The following EXOC2 variants were observed in gnomAD, a reference collection of about 807,000 sequenced individuals.
The protein encoded by EXOC2 is SEC5-like 1.
A neutral mutation model predicts 131.8 loss-of-function variants in EXOC2; 70 were observed. That is an observed-to-expected ratio of 0.53 (90% CI 0.44 to 0.65). The LOEUF is 0.65. Ranked by LOEUF, EXOC2 falls within the 30% of genes least tolerant of loss-of-function variation. EXOC2 has a pLI of 0.00. For synonymous variants in EXOC2, 411 were observed against 398.4 expected (o/e 1.03, Z -0.38); for missense variants, 923 against 1,108.6 (o/e 0.83, Z 2.38).
chr6:669,937 G>T (rs1387264795), intron 1 of EXOC2: 1 of 152,226 alleles, frequency 6.6e-6, no homozygotes, highest in Non-Finnish European at 1.5e-5. Context: ...ACTGGGGTTT[G>T]GGAGCAGGAA....
At chr6:583,467 T>G (rs1042016509) in intron 11 of EXOC2, among the ~76,000 whole-genome samples, 1 of 152,062 alleles carries the variant, frequency 6.6e-6, no homozygotes, top group African/African-American at 2.4e-5. Context: ...GTAAGGTGAA[T>G]AGAATCTATT....
intron 23 of EXOC2, among the ~76,000 whole-genome samples, chr6:502,199 G>A (rs973763429): frequency 2.0e-5 from 3 of 152,108 alleles, no homozygotes; most frequent in African/African-American, 4.8e-5. Flanking sequence ...TGCTATTTTC[G>A]ATGCTCTAAG....
At chr6:644,148 T>C (rs1375135980) in intron 1 of EXOC2, among the ~76,000 whole-genome samples, 1 of 152,106 alleles carries the variant, frequency 6.6e-6, no homozygotes, top group Non-Finnish European at 1.5e-5. Flanking sequence ...AAAAGAGGAA[T>C]ACATCATGAT....
At chr6:569,458 G>T (rs1458324604) in intron 13 of EXOC2, among the ~76,000 whole-genome samples, 1 of 152,192 alleles carries the variant, frequency 6.6e-6, no homozygotes, top group African/African-American at 2.4e-5. Flanking sequence ...AATACAACAA[G>T]ATAGTTTTAT....
At chr6:607,015 G>C (rs775874884) in intron 7 of EXOC2, among the ~76,000 whole-genome samples, 1 of 152,202 alleles carries the variant, frequency 6.6e-6, no homozygotes, top group African/African-American at 2.4e-5. Flanking sequence ...GACGTACAGT[G>C]ACTATCGCTG....
At chr6:636,397 A>C (rs1196329241) in intron 2 of EXOC2, among the ~76,000 whole-genome samples, 1 of 152,230 alleles carries the variant, frequency 6.6e-6, no homozygotes, top group Non-Finnish European at 1.5e-5. Flanking sequence ...TCCCGACTGT[A>C]ACCTTTGTCC....
chr6:623,539 T>C (rs554192732), intron 4 of EXOC2, among the ~76,000 whole-genome samples: 54 of 152,276 alleles, frequency 3.5e-4, no homozygotes, highest in African/African-American at 1.3e-3. Flanking sequence ...TGTCAAATAA[T>C]CTTCCCCAAA....
intron 1 of EXOC2, among the ~76,000 whole-genome samples, chr6:650,342 T>A (rs1762773969): frequency 6.6e-6 from 1 of 152,258 alleles, no homozygotes; most frequent in Non-Finnish European, 1.5e-5. Context: ...CTAAGGCATC[T>A]CTGAGCTCTT....
chr6:622,966 G>T (rs1761368811), intron 4 of EXOC2, among the ~76,000 whole-genome samples: 1 of 152,218 alleles, frequency 6.6e-6, no homozygotes, highest in African/African-American at 2.4e-5. Flanking sequence ...AGGGCTCCAG[G>T]AGAGGGACTG....
chr6:656,771 C>T, intron 1 of EXOC2: 1 of 1,594,008 alleles, frequency 6.3e-7, no homozygotes, highest in Non-Finnish European at 8.6e-7. Context: ...CCCCCTGCCG[C>T]ACCTCGCACC....
At chr6:552,304 C>T (rs1757189078) in intron 21 of EXOC2, among the ~76,000 whole-genome samples, 1 of 152,224 alleles carries the variant, frequency 6.6e-6, no homozygotes, top group Non-Finnish European at 1.5e-5. Flanking sequence ...CTCTGTGTGT[C>T]GTTCCCTAAT....
intron 22 of EXOC2, among the ~76,000 whole-genome samples, chr6:537,354 G>T (rs1478694435): frequency 1.3e-5 from 2 of 151,128 alleles, no homozygotes; most frequent in African/African-American, 4.9e-5. Flanking sequence ...GTTGACGGCC[G>T]ACGGAGCGCA....
chr6:598,188 G>T, intron 9 of EXOC2, 65 bp from the exon 10 acceptor site: 1 of 1,364,586 alleles, frequency 7.3e-7, no homozygotes. Flanking sequence ...ATTTCAAAAA[G>T]CAGAATAGTA....
At chr6:688,317 G>A (rs969085463) in intron 1 of EXOC2, among the ~76,000 whole-genome samples, 4 of 149,636 alleles carry the variant, frequency 2.7e-5, no homozygotes, top group African/African-American at 9.7e-5. Flanking sequence ...GATTTATAGG[G>A]GCACAGATCT....
chr6:555,087 T>TAA, intron 20 of EXOC2, 140 bp downstream of exon 20: 2 of 433,668 alleles, frequency 4.6e-6, no homozygotes, highest in African/African-American at 2.0e-5. Flanking sequence ...AGGTCGAATA[T>TAA]AAAAAAAAAC....
chr6:581,020 G>A (rs912277555), intron 11 of EXOC2, among the ~76,000 whole-genome samples: 9 of 152,106 alleles, frequency 5.9e-5, no homozygotes, highest in Admixed American at 5.9e-4. Flanking sequence ...GTGGCCGGGC[G>A]CGGTGGCTCA....
intron 23 of EXOC2, among the ~76,000 whole-genome samples, chr6:510,398 C>G (rs1764772378): frequency 6.6e-6 from 1 of 151,924 alleles, no homozygotes; most frequent in Non-Finnish European, 1.5e-5. Flanking sequence ...TCATTGCTTT[C>G]ATCAGTAGGA....
chr6:624,073 G>C (rs1205391882), intron 4 of EXOC2, among the ~76,000 whole-genome samples: 1 of 152,168 alleles, frequency 6.6e-6, no homozygotes, highest in Non-Finnish European at 1.5e-5. Flanking sequence ...AAGGCATCCT[G>C]ATTCCATATT....
At chr6:584,226 C>T (rs573149459) in intron 11 of EXOC2, among the ~76,000 whole-genome samples, 3 of 152,178 alleles carry the variant, frequency 2.0e-5, no homozygotes, top group South Asian at 4.2e-4. Context: ...AATTTAATCT[C>T]GCATACAGGA....
Sources: gnomAD v4.1 joint callset for allele counts (sites outside exome capture counted in the v4.1 genomes callset) on GRCh38, gnomAD v4.1.1 for gene constraint, MANE v1.5 for transcripts, NCBI Gene and HGNC (gene_info 2026-07-23, HGNC 2026-07-21) for gene names.